LINGO2: variants seen among roughly 807,000 people sequenced by gnomAD.
LINGO2 encodes the protein leucine-rich repeat and immunoglobulin-like domain-containing nogo receptor-interacting protein 2.
LINGO2 carries 14 observed loss-of-function variants against 30.6 expected under a neutral mutation model. That is an observed-to-expected ratio of 0.46 (90% CI 0.30 to 0.72). The LOEUF is 0.72. LINGO2 is among the 30% of genes least tolerant of loss of function. The pLI is 0.07. For synonymous variants in LINGO2, 317 were observed against 288.5 expected (o/e 1.10, Z -1.00); for missense variants, 729 against 751.7 (o/e 0.97, Z 0.35).
chr9:29,118,627 A>G, the LINGO2 span, among the ~76,000 whole-genome samples: 1 of 152,148 alleles, frequency 6.6e-6, no homozygotes, highest in Non-Finnish European at 1.5e-5. Context: ...CCTGAGCATG[A>G]TCCCAGCTAC....
chr9:28,873,379 CAAAAAAAAAAAGAA>C, the LINGO2 span, among the ~76,000 whole-genome samples: 2 of 93,400 alleles, frequency 2.1e-5, no homozygotes, highest in African/African-American at 8.6e-5. Context: ...GACTCAGTCT[CAAAAAAAAAAAGAA>C]AAAAAAAAAA....
chr9:28,787,333 A>T, the LINGO2 span, among the ~76,000 whole-genome samples: 4 of 152,294 alleles, frequency 2.6e-5, no homozygotes, highest in Middle Eastern at 0.01. Flanking sequence ...GATAAGACAC[A>T]GGTCTTTGTA....
intron 3 of LINGO2, among the ~76,000 whole-genome samples, chr9:28,306,979 C>G (rs1275921936): frequency 1.3e-5 from 2 of 152,084 alleles, no homozygotes; most frequent in Non-Finnish European, 1.5e-5. Context: ...GATGGATTCA[C>G]AGCCGAATTC....
chr9:28,526,949 T>C (rs576262637), intron 1 of LINGO2, among the ~76,000 whole-genome samples: 4 of 152,346 alleles, frequency 2.6e-5, no homozygotes, highest in African/African-American at 4.8e-5. Flanking sequence ...CTTTATAATG[T>C]AGTTTAAAGA....
intron 4 of LINGO2, among the ~76,000 whole-genome samples, chr9:28,250,349 G>A (rs1470496887): frequency 6.6e-6 from 1 of 152,190 alleles, no homozygotes; most frequent in East Asian, 1.9e-4. Flanking sequence ...TTTCAAAGTT[G>A]AAGAACAGGC....
At chr9:29,069,956 G>C in the LINGO2 span, among the ~76,000 whole-genome samples, 1 of 152,050 alleles carries the variant, frequency 6.6e-6, no homozygotes, top group Non-Finnish European at 1.5e-5. Flanking sequence ...AGGCGGGATA[G>C]TTATTGCTAA....
chr9:28,437,595 A>C (rs1037863641), intron 2 of LINGO2, among the ~76,000 whole-genome samples: 1 of 151,378 alleles, frequency 6.6e-6, no homozygotes, highest in Admixed American at 6.6e-5. Context: ...ACACACACCC[A>C]CACACACACA....
the LINGO2 span, among the ~76,000 whole-genome samples, chr9:28,734,660 A>C: frequency 7.4e-4 from 113 of 152,288 alleles, 3 homozygotes; most frequent in East Asian, 0.019. Flanking sequence ...TACAATTTAC[A>C]AATGATGAAG....
At chr9:28,330,647 G>T (rs1274155008) in intron 3 of LINGO2, among the ~76,000 whole-genome samples, 1 of 152,216 alleles carries the variant, frequency 6.6e-6, no homozygotes, top group South Asian at 2.1e-4. Context: ...CCCAAAATGT[G>T]ATCTGTTATT....
the LINGO2 span, among the ~76,000 whole-genome samples, chr9:29,125,162 A>G: frequency 6.6e-6 from 1 of 152,168 alleles, no homozygotes; most frequent in Non-Finnish European, 1.5e-5. Flanking sequence ...ACACAGGAAC[A>G]TAAAACCAAA....
At chr9:28,884,289 T>A in the LINGO2 span, among the ~76,000 whole-genome samples, 33 of 152,232 alleles carry the variant, frequency 2.2e-4, no homozygotes, top group African/African-American at 7.5e-4. Context: ...ATCCAAGCCC[T>A]CTGCCCACCT....
intron 1 of LINGO2, among the ~76,000 whole-genome samples, chr9:28,550,965 A>G (rs976783922): frequency 4.0e-5 from 6 of 151,838 alleles, no homozygotes; most frequent in African/African-American, 1.4e-4. Flanking sequence ...TGAGAGAAAG[A>G]AGCAGAAGGA....
Position 28,174,456 on chromosome 9 carries a change from C to T in LINGO2, c.-87+120752G>A, listed in dbSNP as rs111225874. Reference sequence around the variant, plus strand: ...GTACCCTTACTCTTCTTAAGTCTCTCCCTCTCTCTCCCTCTGTCTCACACA... The same window carrying T: ...GTACCCTTACTCTTCTTAAGTCTCTTCCTCTCTCTCCCTCTGTCTCACACA... On this transcript the variant is annotated intron_variant, in intron 4 of 5. Transcript: ENST00000379992. Among the ~76,000 whole-genome samples, 86 of 152,210 alleles carry T rather than the reference C, an allele frequency of 5.7e-4. 1 individual carries two copies. The highest frequency in any genetic ancestry group is 2.0e-3 in the African/African-American group (82 of 41,526).
the LINGO2 span, among the ~76,000 whole-genome samples, chr9:29,053,588 A>C: frequency 2.0e-5 from 3 of 152,294 alleles, no homozygotes; most frequent in Non-Finnish European, 4.4e-5. Context: ...GAAAAAGAAA[A>C]ATATTCTGAG....
intron 2 of LINGO2, among the ~76,000 whole-genome samples, chr9:28,429,175 A>C (rs1219530601): frequency 6.6e-6 from 1 of 152,224 alleles, no homozygotes; most frequent in Non-Finnish European, 1.5e-5. Context: ...AAAATGAAAT[A>C]GATACAAAGA....
the LINGO2 span, among the ~76,000 whole-genome samples, chr9:28,875,060 G>C: frequency 6.6e-6 from 1 of 152,134 alleles, no homozygotes; most frequent in East Asian, 1.9e-4. Flanking sequence ...GACACAGCTT[G>C]GCCTTGAAAA....
At chr9:28,800,450 C>A in the LINGO2 span, among the ~76,000 whole-genome samples, 1 of 152,014 alleles carries the variant, frequency 6.6e-6, no homozygotes, top group Non-Finnish European at 1.5e-5. Context: ...ATGCTGCAGT[C>A]TATTATAAGT....
the LINGO2 span, among the ~76,000 whole-genome samples, chr9:28,683,546 T>A: frequency 1.3e-5 from 2 of 152,190 alleles, no homozygotes; most frequent in Non-Finnish European, 2.9e-5. Context: ...TACATTTATC[T>A]TATTTCATAG....
the LINGO2 span, among the ~76,000 whole-genome samples, chr9:28,900,956 A>T: frequency 1.3e-5 from 2 of 152,242 alleles, no homozygotes; most frequent in Non-Finnish European, 2.9e-5. Context: ...AGAAATATTA[A>T]AATTGTTTTA....
Sources: gnomAD v4.1 joint callset for allele counts (sites outside exome capture counted in the v4.1 genomes callset) on GRCh38, gnomAD v4.1.1 for gene constraint, MANE v1.5 for transcripts, NCBI Gene and HGNC (gene_info 2026-07-23, HGNC 2026-07-21) for gene names.